SLC24A2: variants seen among roughly 807,000 people sequenced by gnomAD.
SLC24A2 encodes sodium/potassium/calcium exchanger 2.
In SLC24A2, 36 loss-of-function variants were observed where a neutral mutation model predicts 62.0. That is an observed-to-expected ratio of 0.58 (90% CI 0.44 to 0.77). The LOEUF is 0.77. Among genes scored for constraint, SLC24A2 ranks in the 30% least tolerant of loss-of-function variants. SLC24A2 has a pLI of 0.00. For missense variants in SLC24A2, 846 were observed against 817.9 expected (o/e 1.03, Z -0.42); for synonymous variants, 358 against 294.0 (o/e 1.22, Z -2.23).
chr9:19,690,837 G>A (rs1462054609), intron 2 of SLC24A2, among the ~76,000 whole-genome samples: 1 of 152,098 alleles, frequency 6.6e-6, no homozygotes, highest in Non-Finnish European at 1.5e-5. Flanking sequence ...ACAGTACACA[G>A]TGGATTTCGA....
chr9:20,138,041 T>C, the SLC24A2 span, among the ~76,000 whole-genome samples: 1 of 152,160 alleles, frequency 6.6e-6, no homozygotes, highest in Non-Finnish European at 1.5e-5. Flanking sequence ...TTAAGGAAGT[T>C]ATACATGTGG....
the SLC24A2 span, among the ~76,000 whole-genome samples, chr9:20,189,390 A>G: frequency 6.6e-6 from 1 of 152,200 alleles, no homozygotes; most frequent in Admixed American, 6.5e-5. Flanking sequence ...ATAACTGGGT[A>G]GTGAAAGTCC....
At chr9:20,002,201 A>G in the SLC24A2 span, among the ~76,000 whole-genome samples, 20 of 152,056 alleles carry the variant, frequency 1.3e-4, no homozygotes, top group Admixed American at 1.0e-3. Context: ...AGTAATACCA[A>G]TAGCACTACC....
the SLC24A2 span, among the ~76,000 whole-genome samples, chr9:20,223,884 C>A: frequency 6.6e-6 from 1 of 152,110 alleles, no homozygotes; most frequent in Non-Finnish European, 1.5e-5. Flanking sequence ...AACGGATTTA[C>A]AGTTCTGCAT....
chr9:20,205,965 A>G, the SLC24A2 span, among the ~76,000 whole-genome samples: 1 of 152,164 alleles, frequency 6.6e-6, no homozygotes, highest in Non-Finnish European at 1.5e-5. Flanking sequence ...TCATGACTTC[A>G]TGTTTTATAA....
chr9:19,589,241 T>G (rs1836475173), intron 5 of SLC24A2, among the ~76,000 whole-genome samples: 2 of 152,240 alleles, frequency 1.3e-5, no homozygotes, highest in Non-Finnish European at 2.9e-5. Context: ...AACAGGGTAC[T>G]GATTGAACCA....
At position 19,507,870 on chromosome 9, in the gene SLC24A2, G is replaced by C. The variant is rs928179676; in HGVS notation, c.*8283C>G. On this transcript the variant is annotated 3_prime_UTR_variant, in exon 11 of 11. Transcript: ENST00000341998. ...GCGAACAAAGGAAGCATGAGACCAC[G>C]TCTATCCTAAAAAAGATCCTTTACA... 6.6e-6 allele frequency: 1 copy of C among 152,174 alleles called. No individual in the cohort carries two copies. Among genetic ancestry groups the C allele is most frequent in the African/African-American group, 2.4e-5 (1 of 41,422 alleles). 9.4% of individuals were successfully genotyped at this position (152,174 alleles called of 1,614,324 possible).
At chr9:19,662,643 T>C (rs1162150951) in intron 2 of SLC24A2, among the ~76,000 whole-genome samples, 1 of 152,164 alleles carries the variant, frequency 6.6e-6, no homozygotes, top group Non-Finnish European at 1.5e-5. Context: ...TCCCTAAACC[T>C]GGAGTTCCAT....
At chr9:19,916,405 A>T in the SLC24A2 span, among the ~76,000 whole-genome samples, 15 of 152,090 alleles carry the variant, frequency 9.9e-5, no homozygotes, top group South Asian at 6.2e-4. Context: ...TCTTCTAAAA[A>T]TTTTTTTAAA....
At chr9:19,529,866 C>T (rs1435315389) in intron 8 of SLC24A2, among the ~76,000 whole-genome samples, 1 of 151,276 alleles carries the variant, frequency 6.6e-6, no homozygotes, top group Non-Finnish European at 1.5e-5. Context: ...TCTCCTGCCT[C>T]AGCCTCCTGA....
At chr9:19,778,164 T>C (rs998757751) in intron 2 of SLC24A2, among the ~76,000 whole-genome samples, 2 of 152,246 alleles carry the variant, frequency 1.3e-5, no homozygotes, top group African/African-American at 4.8e-5. Context: ...CAAACCCTTC[T>C]TAATATATTA....
chr9:20,229,975 C>G, the SLC24A2 span, among the ~76,000 whole-genome samples: 1 of 148,662 alleles, frequency 6.7e-6, no homozygotes, highest in Non-Finnish European at 1.5e-5. Context: ...TGAGTGAGAA[C>G]ATGTGGTGTT....
rs1177658757 is a variant in SLC24A2, at chr9:19,786,067, A to C, written c.800T>G (p.Leu267Trp). 1 of 1,614,254 alleles carries C rather than the reference A, an allele frequency of 6.2e-7. No individual in the cohort carries two copies. Among genetic ancestry groups the C allele is most frequent in the South Asian group, 1.1e-5 (1 of 91,088 alleles). The change falls in exon 2 of 11, where the codon TTG (leucine) becomes TGG (tryptophan). Residue 267 changes from leucine to tryptophan, a missense_variant. Physicochemically the swap from Leu to Trp is moderately conservative, Grantham distance 61. Transcript: ENST00000341998. The surrounding 1 kb of genome is among the most constrained non-coding windows in gnomAD (Gnocchi z 5.0). ...GCAAAAATAAGCTGTTAAGAGAAGC[A>C]AGCTTTCCCACCACATGATGACATT... ...LDNVIMWWES[L>W]LLLTAYFCYV... is the part of the protein sequence containing the mutation.
chr9:19,654,705 C>T (rs1341703399), intron 2 of SLC24A2, among the ~76,000 whole-genome samples: 6 of 152,056 alleles, frequency 3.9e-5, no homozygotes, highest in African/African-American at 1.4e-4. Flanking sequence ...CTATGTATAC[C>T]CTTTGAACCT....
chr9:19,508,731 C>T lies in SLC24A2; in HGVS notation c.*7422G>A, dbSNP rs1832599730. ...ATCGCTTGAGTCCAGGTGTTTGAGG[C>T]TACACTGAGCTATGATTGCACCACT... On this transcript the variant is annotated 3_prime_UTR_variant, in exon 11 of 11. Coordinates refer to ENST00000341998, the MANE Select transcript of SLC24A2 (RefSeq NM_020344.4). 6.6e-6 allele frequency: 1 copy of T among 151,946 alleles called. No homozygotes were observed. The highest frequency in any genetic ancestry group is 2.4e-5 in the African/African-American group (1 of 41,344). The allele number at this position is 151,946 out of a possible 1,614,324, so 9.4% of individuals were successfully genotyped here.
At chr9:20,280,314 G>C in the SLC24A2 span, among the ~76,000 whole-genome samples, 1 of 152,176 alleles carries the variant, frequency 6.6e-6, no homozygotes, top group African/African-American at 2.4e-5. Flanking sequence ...TGTACCCCTT[G>C]TTAGTCATTG....
At chr9:19,666,460 A>C (rs886187755) in intron 2 of SLC24A2, among the ~76,000 whole-genome samples, 5 of 152,344 alleles carry the variant, frequency 3.3e-5, no homozygotes, top group African/African-American at 1.2e-4. Flanking sequence ...TATTTCCTCA[A>C]TTGAATGTGG....
chr9:19,858,214 A>C, the SLC24A2 span, among the ~76,000 whole-genome samples: 2 of 152,176 alleles, frequency 1.3e-5, no homozygotes, highest in African/African-American at 4.8e-5. Flanking sequence ...ACACACAGCC[A>C]TCTAATCTTT....
the SLC24A2 span, among the ~76,000 whole-genome samples, chr9:20,060,670 G>A: frequency 6.6e-6 from 1 of 152,044 alleles, no homozygotes; most frequent in Admixed American, 6.6e-5. Flanking sequence ...GGGTGTCCAT[G>A]AAAAATTTTT....
Sources: allele counts gnomAD v4.1 joint callset (sites outside exome capture counted in the v4.1 genomes callset), GRCh38; gene constraint gnomAD v4.1.1; non-coding constraint Gnocchi (gnomAD v3.1); transcripts MANE v1.5; gene names NCBI Gene and HGNC (gene_info 2026-07-23, HGNC 2026-07-21).